CHLSN: variants seen among roughly 807,000 people sequenced by gnomAD.
The protein encoded by CHLSN is cholesin.
the CHLSN span, among the ~76,000 whole-genome samples, chr7:1,125,528 T>A: frequency 6.6e-6 from 1 of 152,228 alleles, no homozygotes; most frequent in Non-Finnish European, 1.5e-5. Flanking sequence ...ACCTGTCACT[T>A]ACTGATAGAG....
At chr7:1,126,421 G>A in the CHLSN span, among the ~76,000 whole-genome samples, 1 of 148,896 alleles carries the variant, frequency 6.7e-6, no homozygotes, top group East Asian at 2.0e-4. Flanking sequence ...GCTCACACCT[G>A]TAATTCCAGC....
the CHLSN span, among the ~76,000 whole-genome samples, chr7:1,065,914 G>A: frequency 2.0e-5 from 3 of 152,218 alleles, no homozygotes; most frequent in African/African-American, 7.2e-5. Context: ...CGGCCTCAAG[G>A]GCAGGCTCGG....
At chr7:1,035,089 T>C in the CHLSN span, among the ~76,000 whole-genome samples, 3 of 152,196 alleles carry the variant, frequency 2.0e-5, no homozygotes, top group Non-Finnish European at 4.4e-5. Flanking sequence ...CTGTGAACAG[T>C]GCTGGGCTGG....
At chr7:1,060,051 A>AGTGAGGCGGGTCTTC in the CHLSN span, among the ~76,000 whole-genome samples, 1 of 148,948 alleles carries the variant, frequency 6.7e-6, no homozygotes, top group Admixed American at 6.7e-5. Flanking sequence ...GGCGGGTCTT[A>AGTGAGGCGGGTCTTC]GTGAGGCGGG....
At chr7:1,078,393 A>C in the CHLSN span, among the ~76,000 whole-genome samples, 1 of 152,058 alleles carries the variant, frequency 6.6e-6, no homozygotes, top group Non-Finnish European at 1.5e-5. Context: ...CAGAAGACGA[A>C]GGCCTGCGAA....
chr7:1,039,416 G>T, the CHLSN span, among the ~76,000 whole-genome samples: 1 of 89,584 alleles, frequency 1.1e-5, no homozygotes, highest in East Asian at 3.0e-4. Flanking sequence ...AGGGAGGTGG[G>T]GGGGGGGGTC....
At chr7:1,021,310 G>A in the CHLSN span, 1 of 925,048 alleles carries the variant, frequency 1.1e-6, no homozygotes, top group East Asian at 1.2e-4. Flanking sequence ...CATGGGGCAG[G>A]TTTCTTTCTT....
the CHLSN span, among the ~76,000 whole-genome samples, chr7:1,046,955 G>A: frequency 3.9e-5 from 6 of 152,324 alleles, no homozygotes; most frequent in Middle Eastern, 3.4e-3. Context: ...CTAGTAAACC[G>A]GGGCTCGACT....
At chr7:1,040,936 G>A in the CHLSN span, among the ~76,000 whole-genome samples, 1 of 152,266 alleles carries the variant, frequency 6.6e-6, no homozygotes, top group Non-Finnish European at 1.5e-5. Flanking sequence ...CCGTGAGTGA[G>A]TGGCTGCTGC....
chr7:1,020,448 A>T, the CHLSN span, among the ~76,000 whole-genome samples: 1 of 151,936 alleles, frequency 6.6e-6, no homozygotes. Context: ...CCGCTGCCCC[A>T]TCTTGCGTCT....
chr7:1,031,963 C>T, the CHLSN span, among the ~76,000 whole-genome samples: 1 of 152,106 alleles, frequency 6.6e-6, no homozygotes, highest in African/African-American at 2.4e-5. Context: ...TGAGAGCAAC[C>T]TGGTCACCAA....
the CHLSN span, among the ~76,000 whole-genome samples, chr7:1,053,637 G>A: frequency 6.6e-6 from 1 of 152,200 alleles, no homozygotes; most frequent in Non-Finnish European, 1.5e-5. Context: ...AGATCAGCCT[G>A]GCCAACATGG....
the CHLSN span, among the ~76,000 whole-genome samples, chr7:1,042,191 A>T: frequency 6.6e-6 from 1 of 152,170 alleles, no homozygotes; most frequent in East Asian, 1.9e-4. Flanking sequence ...GCACGGCCCC[A>T]GGCCAGGAGC....
At chr7:1,023,311 G>A in the CHLSN span, among the ~76,000 whole-genome samples, 17 of 152,284 alleles carry the variant, frequency 1.1e-4, no homozygotes, top group African/African-American at 3.1e-4. This position sits in a 1 kb window ranked among gnomAD's most constrained non-coding sequence, Gnocchi z 5.0. Flanking sequence ...ACCCGCCACC[G>A]CGGGGTCTGC....
At chr7:1,024,526 T>C in the CHLSN span, 4 of 152,218 alleles carry the variant, frequency 2.6e-5, no homozygotes, top group Non-Finnish European at 5.9e-5. Context: ...TTAGAAACTT[T>C]TTATTTCTGC....
At chr7:998,457 C>CTTTTTTTT in the CHLSN span, among the ~76,000 whole-genome samples, 22 of 95,020 alleles carry the variant, frequency 2.3e-4, no homozygotes, top group Admixed American at 3.9e-4. Flanking sequence ...GTCTTAGATT[C>CTTTTTTTT]TTTTTTTTTT....
chr7:1,066,302 G>A, the CHLSN span, among the ~76,000 whole-genome samples: 1 of 152,222 alleles, frequency 6.6e-6, no homozygotes, highest in Non-Finnish European at 1.5e-5. Flanking sequence ...CGCATCCGGC[G>A]GGGCTCCTAC....
At chr7:988,261 C>T in the CHLSN span, 1 of 1,563,348 alleles carries the variant, frequency 6.4e-7, no homozygotes, top group Non-Finnish European at 8.7e-7. Context: ...TCTCTGTGCC[C>T]CGGCTGCCCC....
chr7:1,077,965 A>G, the CHLSN span: 1 of 152,188 alleles, frequency 6.6e-6, no homozygotes, highest in African/African-American at 2.4e-5. Flanking sequence ...GTGCGGGGAC[A>G]TGGGAGCAAC....
Sources: allele counts gnomAD v4.1 joint callset (sites outside exome capture counted in the v4.1 genomes callset), GRCh38; gene constraint gnomAD v4.1.1; non-coding constraint Gnocchi (gnomAD v3.1); transcripts MANE v1.5; gene names NCBI Gene and HGNC (gene_info 2026-07-23, HGNC 2026-07-21).